WDR4: variants seen among roughly 807,000 people sequenced by gnomAD.
The protein encoded by WDR4 is tRNA (guanine-N(7)-)-methyltransferase non-catalytic subunit WDR4.
WDR4 carries 47 observed loss-of-function variants against 48.6 expected under a neutral mutation model. The observed-to-expected ratio is 0.97, with a 90% CI of 0.77 to 1.23. The LOEUF (loss-of-function observed/expected upper bound fraction) is 1.23, where lower values mean the gene tolerates loss of function less well. Among genes scored for constraint, WDR4 ranks in the 50% most tolerant of loss-of-function variants. WDR4 has a pLI of 0.00. For synonymous variants in WDR4, 268 were observed against 230.0 expected (o/e 1.17, Z -1.49); for missense variants, 606 against 551.6 (o/e 1.10, Z -0.99).
intron 6 of WDR4, 61 bp downstream of exon 6, chr21:42,859,601 A>G (rs1330664324): frequency 1.0e-5 from 4 of 385,230 alleles, no homozygotes; most frequent in Non-Finnish European, 2.0e-5. Flanking sequence ...GGAGGCGCCC[A>G]CCCCACCCTC....
At chr21:42,859,560 A>AGGGGCCAGCGATCCACG in intron 6 of WDR4, 102 bp downstream of exon 6, 1 of 1,337,962 alleles carries the variant, frequency 7.5e-7, no homozygotes, top group Non-Finnish European at 1.0e-6. Flanking sequence ...ACAGCCAGCC[A>AGGGGCCAGCGATCCACG]GGGGCCAGCG....
the WDR4 span, among the ~76,000 whole-genome samples, chr21:42,891,384 T>C: frequency 2.0e-5 from 3 of 151,892 alleles, no homozygotes; most frequent in East Asian, 5.8e-4. Flanking sequence ...GTACCCCACC[T>C]TTACCAACCT....
chr21:42,879,325 C>T lies in WDR4; in HGVS notation c.89+82G>A, dbSNP rs2058577837. 7.7e-6 allele frequency: 12 copies of T among 1,558,912 alleles called. No homozygotes were observed. The South Asian group carries it at 1.1e-4, about 14-fold the overall frequency. ...TCACCCCAGAGTGGGTGCGACCAGG[C>T]GGTGCGGGAGAAGCGGGGTCGCCAG... On this transcript the variant is annotated intron_variant, in intron 1 of 10. Coordinates refer to ENST00000398208, the MANE Select transcript of WDR4 (RefSeq NM_018669.6).
rs960689872 is a variant in WDR4 at position 42,860,451 on chromosome 21, C to G, written c.567-729G>C. On this transcript the variant is annotated intron_variant, in intron 5 of 10. Transcript: ENST00000398208. ...CAAGGGTGACAAGGCCCCTTTTCTT[C>G]CCACTCTAACACAGTGGCCTCAAGC... Among the ~76,000 whole-genome samples the G allele has an allele frequency of 2.6e-5, 4 of 152,260 alleles. No homozygotes were observed. The South Asian group carries it at 6.2e-4, about 24-fold the overall frequency.
intron 6 of WDR4, among the ~76,000 whole-genome samples, chr21:42,858,754 T>C (rs1328385354): frequency 1.3e-5 from 2 of 152,124 alleles, no homozygotes; most frequent in Admixed American, 1.3e-4. Context: ...ACTTTTCTTC[T>C]TCTCTCAGGT....
intron 5 of WDR4, among the ~76,000 whole-genome samples, chr21:42,860,053 C>G (rs2058080911): frequency 1.3e-5 from 2 of 152,172 alleles, no homozygotes; most frequent in East Asian, 3.9e-4. Context: ...TGCAGCAGCT[C>G]TGCTCAGCGG....
chr21:42,875,040 TTC>T (rs2058460553), intron 2 of WDR4, among the ~76,000 whole-genome samples: 1 of 152,134 alleles, frequency 6.6e-6, no homozygotes, highest in African/African-American at 2.4e-5. Flanking sequence ...GCTTTAAAAT[TTC>T]TCTCTTTTGT....
At chr21:42,854,711 A>G in intron 7 of WDR4, 85 bp from the exon 8 acceptor site, 1 of 1,327,242 alleles carries the variant, frequency 7.5e-7, no homozygotes, top group Non-Finnish European at 1.0e-6. Flanking sequence ...GCAAGACCGA[A>G]GGACGCTCAC....
At chr21:42,889,140 G>A in the WDR4 span, among the ~76,000 whole-genome samples, 1 of 149,086 alleles carries the variant, frequency 6.7e-6, no homozygotes, top group African/African-American at 2.5e-5. Context: ...ATGCCACCAT[G>A]CCCAGCTAAT....
downstream of WDR4, among the ~76,000 whole-genome samples, chr21:42,848,025 A>C (rs1400214061): frequency 1.3e-5 from 2 of 152,238 alleles, no homozygotes; most frequent in Non-Finnish European, 2.9e-5. Flanking sequence ...CCCAGCAGAG[A>C]GGAGTGGGCC....
intron 3 of WDR4, among the ~76,000 whole-genome samples, chr21:42,864,576 C>A (rs987944932): frequency 6.6e-6 from 1 of 152,148 alleles, no homozygotes; most frequent in Non-Finnish European, 1.5e-5. Flanking sequence ...GAGAGGCCTG[C>A]GCTCCCCCCA....
chr21:42,863,516 A>C lies in WDR4; in HGVS notation c.377T>G (p.Val126Gly). 6.2e-7 allele frequency: 1 copy of C among 1,613,932 alleles called. No individual in the cohort carries two copies. The highest frequency in any genetic ancestry group is 8.5e-7 in the Non-Finnish European group (1 of 1,179,976). ...TGGCTCCAGCACCGAAAAGGAGTAG[A>C]CGTCTCCAGACTTGTCGGCCACCAA... ...KVLVADKSGD[V>G]YSFSVLEPHG... The change falls in exon 4 of 11, where the codon GTC (valine) becomes GGC (glycine). Residue 126 changes from valine to glycine, a missense_variant. By Grantham distance (109) the Val-to-Gly change is moderately radical. Coordinates refer to ENST00000398208, the MANE Select transcript of WDR4 (RefSeq NM_018669.6).
At chr21:42,854,886 TCAGA>T (rs1443802592) in intron 7 of WDR4, among the ~76,000 whole-genome samples, 2 of 151,776 alleles carry the variant, frequency 1.3e-5, no homozygotes, top group East Asian at 3.9e-4. Flanking sequence ...ACAAGATAGG[TCAGA>T]CAGTGAGGAG....
chr21:42,857,823 G>A (rs2058030544), intron 6 of WDR4, among the ~76,000 whole-genome samples: 1 of 152,104 alleles, frequency 6.6e-6, no homozygotes, highest in Non-Finnish European at 1.5e-5. Flanking sequence ...TTATGGCCCA[G>A]CATGGTGGCT....
Position 42,862,299 on chromosome 21 carries a change from G to A in WDR4, c.549C>T (p.Phe183=), listed in dbSNP as rs1341613329. The A allele has an allele frequency of 6.2e-7, 1 of 1,609,824 alleles. No individual in the cohort carries two copies. Among genetic ancestry groups the A allele is most frequent in the Non-Finnish European group, 8.5e-7 (1 of 1,178,574 alleles). ...WAAAPHSIES[F]CLGHTEFVSR... is the part of the protein sequence containing the mutation. ...GCACTCACTCTGTGTGCCCCAAGCA[G>A]AAGGACTCGATGCTATGGGGCGCCG... is the stretch of plus-strand genomic sequence containing the variant. The change falls in exon 5 of 11, where the codon TTC becomes TTT. Residue 183 remains phenylalanine, a synonymous_variant. Coordinates refer to ENST00000398208, the MANE Select transcript of WDR4 (RefSeq NM_018669.6). This position sits in a 1 kb window ranked among gnomAD's most constrained non-coding sequence, Gnocchi z 4.3.
chr21:42,853,468 A>G, intron 9 of WDR4, 101 bp downstream of exon 9: 2 of 1,341,440 alleles, frequency 1.5e-6, no homozygotes, highest in Non-Finnish European at 2.0e-6. Context: ...GCTGAGTTGA[A>G]AGAGGCTTAC....
upstream of WDR4, among the ~76,000 whole-genome samples, chr21:42,880,444 T>C (rs1380135241): frequency 6.6e-6 from 1 of 152,226 alleles, no homozygotes; most frequent in Non-Finnish European, 1.5e-5. Flanking sequence ...AAGATTAATT[T>C]TCTCTCCCGT....
At chr21:42,876,183 G>T (rs1403013409) in intron 2 of WDR4, among the ~76,000 whole-genome samples, 1 of 147,918 alleles carries the variant, frequency 6.8e-6, no homozygotes, top group Non-Finnish European at 1.5e-5. Context: ...GAGATTATAG[G>T]CATGAGCCAC....
rs369382950 is a variant in WDR4 at position 42,876,784 on chromosome 21, A to T, written c.90-17T>A. ...TCATCATCACTAAAGAGAAATAACA[A>T]TAATTTTAAAAGGAGTTATCATTAG... On this transcript the variant is annotated splice_polypyrimidine_tract_variant and intron_variant, in intron 1 of 10. Coordinates refer to ENST00000398208, the MANE Select transcript of WDR4 (RefSeq NM_018669.6). The T allele has an allele frequency of 6.2e-7, 1 of 1,600,576 alleles. No homozygotes were observed. The highest frequency in any genetic ancestry group is 8.5e-7 in the Non-Finnish European group (1 of 1,175,962).
Sources: gnomAD v4.1 joint callset for allele counts (sites outside exome capture counted in the v4.1 genomes callset) on GRCh38, gnomAD v4.1.1 for gene constraint, Gnocchi (gnomAD v3.1) non-coding constraint, MANE v1.5 for transcripts, NCBI Gene and HGNC (gene_info 2026-07-23, HGNC 2026-07-21) for gene names.